DLG2: variants seen among roughly 807,000 people sequenced by gnomAD.
DLG2 encodes discs large MAGUK scaffold protein 2.
In DLG2, 45 loss-of-function variants were observed where a neutral mutation model predicts 132.5. That is an observed-to-expected ratio of 0.34 (90% CI 0.27 to 0.44). The LOEUF (loss-of-function observed/expected upper bound fraction) is 0.44. DLG2 is among the 20% of genes least tolerant of loss of function. The pLI is 1.00. For missense variants in DLG2, 1,045 were observed against 1,196.9 expected (o/e 0.87, Z 1.87); for synonymous variants, 424 against 419.6 (o/e 1.01, Z -0.13).
intron 19 of DLG2, among the ~76,000 whole-genome samples, chr11:83,554,503 G>GA (rs2096473949): frequency 6.6e-6 from 1 of 152,142 alleles, no homozygotes; most frequent in Non-Finnish European, 1.5e-5. Flanking sequence ...ACAGATACAT[G>GA]AAAAAATTGC....
chr11:84,480,720 T>A (rs1183310917), intron 7 of DLG2, among the ~76,000 whole-genome samples: 2 of 151,666 alleles, frequency 1.3e-5, no homozygotes, highest in Non-Finnish European at 2.9e-5. Flanking sequence ...TTTGTTTGTT[T>A]GTTTGCTTGT....
At chr11:83,492,341 C>T (rs2093901501) in intron 21 of DLG2, among the ~76,000 whole-genome samples, 1 of 152,056 alleles carries the variant, frequency 6.6e-6, no homozygotes, top group Non-Finnish European at 1.5e-5. Flanking sequence ...CATTTGTCCT[C>T]AGTCTGTTTT....
intron 7 of DLG2, among the ~76,000 whole-genome samples, chr11:84,508,569 AT>A (rs1299826235): frequency 1.3e-5 from 2 of 151,350 alleles, no homozygotes; most frequent in African/African-American, 4.9e-5. Context: ...TGCCTGGCTA[AT>A]TTTTGTATTA....
intron 10 of DLG2, among the ~76,000 whole-genome samples, chr11:84,095,211 T>A (rs2097149195): frequency 6.6e-6 from 1 of 151,986 alleles, no homozygotes; most frequent in Non-Finnish European, 1.5e-5. Context: ...GAAAAACTGC[T>A]TAGAGACAGA....
At chr11:84,635,761 G>T (rs1000354679) in intron 6 of DLG2, among the ~76,000 whole-genome samples, 3 of 151,928 alleles carry the variant, frequency 2.0e-5, no homozygotes, top group African/African-American at 7.3e-5. Context: ...AAGTAAAGCT[G>T]AGAGAAGTTA....
chr11:83,715,963 A>G lies in DLG2; in HGVS notation c.1825+70727T>C, dbSNP rs370120258. Among the ~76,000 whole-genome samples, 559 of 152,292 alleles carry G rather than the reference A, an allele frequency of 3.7e-3. 3 individuals are homozygous for G. The highest frequency in any genetic ancestry group is 0.013 in the African/African-American group (533 of 41,560). On this transcript the variant is annotated intron_variant, in intron 18 of 27. Transcript: ENST00000376104. Reference sequence around the variant, plus strand: ...TTAAGCATTCCTCACCTAGGAGCCTATAAGACTCCCATAGTATTGATTACA... The same window carrying G: ...TTAAGCATTCCTCACCTAGGAGCCTGTAAGACTCCCATAGTATTGATTACA...
At chr11:85,283,358 A>T (rs2078355450) in intron 4 of DLG2, among the ~76,000 whole-genome samples, 1 of 151,884 alleles carries the variant, frequency 6.6e-6, no homozygotes, top group African/African-American at 2.4e-5. Context: ...TAGTCCTAGA[A>T]TGAAGAAAGA....
intron 17 of DLG2, among the ~76,000 whole-genome samples, chr11:83,819,003 G>A (rs1286581336): frequency 6.6e-6 from 1 of 152,152 alleles, no homozygotes; most frequent in African/African-American, 2.4e-5. Flanking sequence ...CAAAGGAGAT[G>A]CTAAGGAACA....
chr11:84,074,967 G>T (rs1372147103), intron 10 of DLG2, among the ~76,000 whole-genome samples: 1 of 152,028 alleles, frequency 6.6e-6, no homozygotes, highest in Non-Finnish European at 1.5e-5. Flanking sequence ...ATTTATTCTT[G>T]TGCTCTCATC....
chr11:83,878,524 C>T (rs1380097353), intron 15 of DLG2, among the ~76,000 whole-genome samples: 5 of 152,090 alleles, frequency 3.3e-5, no homozygotes, highest in African/African-American at 7.2e-5. Flanking sequence ...TACTGAACTC[C>T]CACTGAGTAA....
chr11:84,239,019 AAC>A lies in DLG2; in HGVS notation c.573+12217_573+12218del, dbSNP rs1238324907. Reference sequence around the variant, plus strand: ...CACATGATCATGTAGATTAAATTAAAACACACATATTTACCTGATGAATTACT... The same window carrying A: ...CACATGATCATGTAGATTAAATTAAAACACATATTTACCTGATGAATTACT... On this transcript the variant is annotated intron_variant, in intron 8 of 27. Transcript: ENST00000376104. Among the ~76,000 whole-genome samples, 110 of 152,344 alleles carry A rather than the reference AAC, an allele frequency of 7.2e-4. 1 individual carries two copies. The highest frequency in any genetic ancestry group is 7.9e-4 in the Non-Finnish European group (54 of 68,030).
At chr11:85,185,379 T>C (rs1244561290) in intron 4 of DLG2, among the ~76,000 whole-genome samples, 1 of 152,044 alleles carries the variant, frequency 6.6e-6, no homozygotes, top group Non-Finnish European at 1.5e-5. Context: ...TAAAGAATTA[T>C]ATAATAAATT....
At chr11:83,816,887 G>T (rs2049107037) in intron 17 of DLG2, among the ~76,000 whole-genome samples, 1 of 152,048 alleles carries the variant, frequency 6.6e-6, no homozygotes. Context: ...GTTTGGTTAG[G>T]TTACACACAT....
intron 4 of DLG2, among the ~76,000 whole-genome samples, chr11:85,241,799 C>T (rs2075892354): frequency 6.6e-6 from 1 of 151,828 alleles, no homozygotes; most frequent in Non-Finnish European, 1.5e-5. Context: ...GCTATGTGGC[C>T]AGATTAATAG....
At chr11:85,169,688 T>G (rs2078707703) in intron 4 of DLG2, among the ~76,000 whole-genome samples, 1 of 152,192 alleles carries the variant, frequency 6.6e-6, no homozygotes, top group Non-Finnish European at 1.5e-5. Flanking sequence ...TATTCCTCAG[T>G]CTTTCTTCCT....
chr11:84,492,509 T>C (rs1023886987), intron 7 of DLG2, among the ~76,000 whole-genome samples: 2 of 152,324 alleles, frequency 1.3e-5, no homozygotes, highest in East Asian at 3.9e-4. Context: ...ACTGATTCTA[T>C]CATCTAATGT....
chr11:84,089,532 T>C (rs1390216545), intron 10 of DLG2, among the ~76,000 whole-genome samples: 1 of 152,220 alleles, frequency 6.6e-6, no homozygotes, highest in Non-Finnish European at 1.5e-5. Flanking sequence ...CGTTGTTGTT[T>C]ATACACAAGA....
chr11:84,918,691 G>C (rs1237193504), intron 6 of DLG2, among the ~76,000 whole-genome samples: 1 of 152,180 alleles, frequency 6.6e-6, no homozygotes, highest in Non-Finnish European at 1.5e-5. Context: ...AGATCCAAAA[G>C]AGTATGTGAC....
chr11:84,534,458 C>G (rs1246900002), intron 7 of DLG2, 112 bp downstream of exon 7: 2 of 1,111,818 alleles, frequency 1.8e-6, no homozygotes, highest in Non-Finnish European at 2.6e-6. Flanking sequence ...AACCCGTGTC[C>G]TCTATCATGT....
Sources: allele counts gnomAD v4.1 joint callset (sites outside exome capture counted in the v4.1 genomes callset), GRCh38; gene constraint gnomAD v4.1.1; transcripts MANE v1.5; gene names NCBI Gene and HGNC (gene_info 2026-07-23, HGNC 2026-07-21).